The following SLC2A6 variants were observed in gnomAD, a reference collection of about 807,000 sequenced individuals.
SLC2A6 encodes solute carrier family 2 member 6, also known as solute carrier family 2, facilitated glucose transporter member 6.
Under a neutral mutation model 47.8 loss-of-function variants are expected in SLC2A6, and 39 were observed. The ratio of observed to expected loss-of-function variants is 0.82; its 90% CI spans 0.63 to 1.07. The LOEUF (loss-of-function observed/expected upper bound fraction) is 1.07, where lower values mean the gene tolerates loss of function less well. SLC2A6 is among the 50% of genes least tolerant of loss of function. SLC2A6 has a pLI of 0.00. For missense variants in SLC2A6, 650 were observed against 707.6 expected (o/e 0.92, Z 0.92); for synonymous variants, 346 against 324.1 (o/e 1.07, Z -0.73).
intron 4 of SLC2A6, 131 bp from the exon 5 acceptor site, chr9:133,475,742 G>T: frequency 1.2e-6 from 1 of 822,122 alleles, no homozygotes; most frequent in Non-Finnish European, 1.9e-6. Flanking sequence ...AGCCTACCCT[G>T]ATTGCCCCAG....
chr9:133,476,202 C>T, intron 4 of SLC2A6, 35 bp downstream of exon 4: 2 of 1,546,294 alleles, frequency 1.3e-6, no homozygotes, highest in Non-Finnish European at 1.8e-6. Flanking sequence ...ACCCCTCCCA[C>T]CAGCCTGCAC....
intron 4 of SLC2A6, among the ~76,000 whole-genome samples, 169 bp from the exon 5 acceptor site, chr9:133,475,780 G>A (rs1322782738): frequency 6.6e-6 from 1 of 152,236 alleles, no homozygotes; most frequent in Admixed American, 6.5e-5. Context: ...GGATTGCTCA[G>A]CCCCTGGCAC....
At chr9:133,478,713 C>G in intron 1 of SLC2A6, 1 of 586,786 alleles carries the variant, frequency 1.7e-6, no homozygotes, top group Non-Finnish European at 3.0e-6. Flanking sequence ...TCAGGCAGAA[C>G]CCCTGCTCGC....
chr9:133,478,828 G>T, intron 1 of SLC2A6, 140 bp downstream of exon 1: 1 of 702,586 alleles, frequency 1.4e-6, no homozygotes, highest in Non-Finnish European at 2.3e-6. Context: ...GGAGTAGCGT[G>T]TCTGGGACAG....
chr9:133,475,179 G>T (rs1339745169), intron 5 of SLC2A6, 66 bp from the exon 6 acceptor site: 2 of 1,455,320 alleles, frequency 1.4e-6, no homozygotes, highest in East Asian at 2.5e-5. Flanking sequence ...TCCTGCCCTG[G>T]ACCGCCAGGG....
chr9:133,474,991 C>T lies in SLC2A6; in HGVS notation c.897G>A (p.Gln299=), dbSNP rs1554802862. ...GGACAGCGGTGCTGTCGAAGATGGACTGCAGGTAGACCAGGATGGGCGTGA... is the reference window on the plus strand; with the variant it reads ...GGACAGCGGTGCTGTCGAAGATGGATTGCAGGTAGACCAGGATGGGCGTGA... The part of the protein sequence containing the change: ...TGITPILVYL[Q]SIFDSTAVLL... Residue 299 remains glutamine (Q), a synonymous_variant, in exon 6 of 10, where the codon CAG becomes CAA. Coordinates refer to ENST00000371899, the MANE Select transcript of SLC2A6 (RefSeq NM_017585.4). 8 of 1,590,118 alleles carry T rather than the reference C, an allele frequency of 5.0e-6. No homozygotes were observed. The highest frequency in any genetic ancestry group is 5.1e-6 in the Non-Finnish European group (6 of 1,169,522).
In SLC2A6 at chr9:133,476,307, G is replaced by A. The variant is rs782184798; in HGVS notation, c.492C>T (p.Gly164=). The A allele has an allele frequency of 7.4e-6, 12 of 1,612,886 alleles. No individual in the cohort carries two copies. Among genetic ancestry groups the A allele is most frequent in the East Asian group, 2.2e-5 (1 of 44,894 alleles). The change falls in exon 4 of 10, where the codon GGC becomes GGT. Residue 164 remains glycine (G), a synonymous_variant. Coordinates refer to ENST00000371899, the MANE Select transcript of SLC2A6 (RefSeq NM_017585.4). The part of the protein sequence containing the change: ...PVYVSEIAPP[G]VRGALGATPQ... ...GTGTGGCCCCCAGAGCCCCACGAAC[G>A]CCTGGGGGAGCAATCTCAGACACGT...
chr9:133,474,396 T>G (rs587594106), intron 6 of SLC2A6, among the ~76,000 whole-genome samples: 7 of 152,356 alleles, frequency 4.6e-5, no homozygotes, highest in African/African-American at 1.4e-4. Flanking sequence ...TGGGGCAGGC[T>G]GATGGAGATG....
chr9:133,471,690 T>C lies in SLC2A6; in HGVS notation c.*331A>G, dbSNP rs1257396060. On this transcript the variant is annotated 3_prime_UTR_variant, in exon 10 of 10. Transcript: ENST00000371899. ...GTCCTCTCAGTCCTCCCCGTAGCCT[T>C]CTGTGGGGCGTGTCCTTCACGCAAG... 4 of 257,268 alleles carry C rather than the reference T, an allele frequency of 1.6e-5. No individual in the cohort carries two copies. Among genetic ancestry groups the C allele is most frequent in the Non-Finnish European group, 3.0e-5 (4 of 133,730 alleles). 15.9% of individuals were successfully genotyped at this position (257,268 alleles called of 1,614,324 possible). A position where few individuals can be genotyped will look rare whatever the true frequency, so the allele number is the denominator to read the frequency against.
intron 2 of SLC2A6, 43 bp downstream of exon 2, chr9:133,478,211 C>T (rs1369581448): frequency 2.1e-5 from 33 of 1,603,576 alleles, no homozygotes; most frequent in Non-Finnish European, 2.5e-5. Flanking sequence ...CTCAGCAGGT[C>T]CCTCCTTCCT....
Position 133,474,972 on chromosome 9 carries a change from C to A in SLC2A6, c.916G>T (p.Ala306Ser). Residue 306 changes from alanine to serine, a missense_variant, in exon 6 of 10, where the codon GCT becomes TCT. By Grantham distance (99) the Ala-to-Ser change is moderately conservative (BLOSUM62 1). Coordinates refer to ENST00000371899, the MANE Select transcript of SLC2A6 (RefSeq NM_017585.4). The part of the protein sequence containing the change: ...VYLQSIFDST[A>S]VLLPPKDDAA... ...GGCTGGGCTCTCACCAGCAGGACAG[C>A]GGTGCTGTCGAAGATGGACTGCAGG... 1 of 1,569,342 alleles carries A rather than the reference C, an allele frequency of 6.4e-7. No homozygotes were observed. Among genetic ancestry groups the A allele is most frequent in the Non-Finnish European group, 8.6e-7 (1 of 1,158,300 alleles).
intron 8 of SLC2A6, 40 bp downstream of exon 8, chr9:133,473,375 C>T (rs1295787275): frequency 6.5e-7 from 1 of 1,550,088 alleles, no homozygotes; most frequent in East Asian, 2.4e-5. Flanking sequence ...TCCCTTAACA[C>T]CCAAGACAGC....
chr9:133,476,950 T>C (rs1349997983), intron 3 of SLC2A6, 85 bp downstream of exon 3: 6 of 1,397,604 alleles, frequency 4.3e-6, no homozygotes, highest in Non-Finnish European at 4.9e-6. Context: ...CCAGAAGGCA[T>C]GGAGGCTGGG....
chr9:133,471,798 C>T lies in SLC2A6; in HGVS notation c.*223G>A, dbSNP rs959006357. 1.5e-5 allele frequency: 8 copies of T among 535,868 alleles called. No homozygotes were observed. The highest frequency in any genetic ancestry group is 5.3e-5 in the South Asian group (2 of 37,584). 33.2% of individuals were successfully genotyped at this position (535,868 alleles called of 1,614,324 possible). A position where few individuals can be genotyped will look rare whatever the true frequency, so the allele number is the denominator to read the frequency against. On this transcript the variant is annotated 3_prime_UTR_variant, in exon 10 of 10. Coordinates refer to ENST00000371899, the MANE Select transcript of SLC2A6 (RefSeq NM_017585.4). ...TATGCACTCCTGCGGCCCATGGCTA[C>T]GTGCAGCACTGTGGGCTGCCTGGGC... is the stretch of plus-strand genomic sequence containing the variant.
chr9:133,477,075 A>G lies in SLC2A6; in HGVS notation c.422T>C (p.Leu141Pro). The change falls in exon 3 of 10, where the codon CTG becomes CCG. Residue 141 changes from leucine (L) to proline (P), a missense_variant. Transcript: ENST00000371899. ...GLWMLLLGRT[L>P]TGFAGGLTAA... Reference sequence around the variant, plus strand: ...TGTGAGCCCCCCGGCGAAGCCCGTCAGCGTCCTTCCGAGCAGCAGCATCCA... The same window carrying G: ...TGTGAGCCCCCCGGCGAAGCCCGTCGGCGTCCTTCCGAGCAGCAGCATCCA... The G allele has an allele frequency of 6.5e-7, 1 of 1,545,866 alleles. No individual in the cohort carries two copies. The highest frequency in any genetic ancestry group is 8.7e-7 in the Non-Finnish European group (1 of 1,146,024).
rs201897933 is a variant in SLC2A6 at position 133,475,429 on chromosome 9, C to G, written c.745G>C (p.Glu249Gln). Residue 249 changes from glutamate (E) to glutamine (Q), a missense_variant, in exon 5 of 10, where the codon GAG becomes CAG. Glu to Gln is a conservative substitution (Grantham distance 29). Transcript: ENST00000371899. ...CTCCGGACGTTGTCCTGGATCTGCTCGAACTCCCAGTGGACATCGACGTCC... is the reference window on the plus strand; with the variant it reads ...CTCCGGACGTTGTCCTGGATCTGCTGGAACTCCCAGTGGACATCGACGTCC... ...GTDVDVHWEF[E>Q]QIQDNVRRQS... The G allele has an allele frequency of 3.2e-4, 512 of 1,609,086 alleles. 1 individual carries two copies. Among genetic ancestry groups the G allele is most frequent in the Non-Finnish European group, 3.7e-4 (431 of 1,177,762 alleles).
Position 133,475,033 on chromosome 9 carries a change from C to T in SLC2A6, c.855G>A (p.Leu285=). 1 of 1,598,452 alleles carries T rather than the reference C, an allele frequency of 6.3e-7. No individual in the cohort carries two copies. The highest frequency in any genetic ancestry group is 8.5e-7 in the Non-Finnish European group (1 of 1,174,126). ...PITVALLMRL[L]QQLTGITPIL... is the part of the protein sequence containing the mutation. ...TGGGCGTGATGCCCGTCAGCTGCTGCAGGAGGCGCATCAGCAAGGCCACGG... is the reference window on the plus strand; with the variant it reads ...TGGGCGTGATGCCCGTCAGCTGCTGTAGGAGGCGCATCAGCAAGGCCACGG... Residue 285 remains leucine, a synonymous_variant, in exon 6 of 10, where the codon CTG becomes CTA. Transcript: ENST00000371899.
intron 6 of SLC2A6, among the ~76,000 whole-genome samples, 180 bp from the exon 7 acceptor site, chr9:133,474,268 G>A (rs1404495497): frequency 6.6e-6 from 1 of 152,254 alleles, no homozygotes; most frequent in Non-Finnish European, 1.5e-5. Flanking sequence ...GGGGCTCCTG[G>A]GCAGGGACAC....
rs1242519056 is a variant in SLC2A6, at chr9:133,471,925, G to A, written c.*96C>T. On this transcript the variant is annotated 3_prime_UTR_variant, in exon 10 of 10. Coordinates refer to ENST00000371899, the MANE Select transcript of SLC2A6 (RefSeq NM_017585.4). ...TTCCTGTGCTCTGGCTGGTGGCAGG[G>A]ATGACTGCTGCCTCTTGGTCCCAGG... 1 of 1,414,392 alleles carries A rather than the reference G, an allele frequency of 7.1e-7. No homozygotes were observed. Among genetic ancestry groups the A allele is most frequent in the Non-Finnish European group, 9.6e-7 (1 of 1,038,742 alleles). The allele number at this position is 1,414,392 out of a possible 1,614,324, so 87.6% of individuals were successfully genotyped here.
Sources: allele counts gnomAD v4.1 joint callset (sites outside exome capture counted in the v4.1 genomes callset), GRCh38; gene constraint gnomAD v4.1.1; transcripts MANE v1.5; gene names NCBI Gene and HGNC (gene_info 2026-07-23, HGNC 2026-07-21).